Variants in CDH7 observed in about 807,000 individuals in gnomAD.
The protein encoded by CDH7 is cadherin 7.
CDH7 carries 25 observed loss-of-function variants against 71.8 expected under a neutral mutation model. The observed-to-expected ratio is 0.35, with a 90% CI of 0.25 to 0.49. The LOEUF (loss-of-function observed/expected upper bound fraction) is 0.49, where lower values mean the gene tolerates loss of function less well. Among genes scored for constraint, CDH7 ranks in the 20% least tolerant of loss-of-function variants. The probability of loss-of-function intolerance (pLI) is 0.99; values close to 1 mark genes in which losing one functional copy is unlikely to be tolerated. For missense variants in CDH7, 862 were observed against 974.6 expected, an observed-to-expected ratio of 0.88 and a Z score of 1.54; for synonymous variants, 381 against 363.8, an observed-to-expected ratio of 1.05 and a Z score of -0.54.
At chr18:65,791,485 A>G (rs894527214) in intron 2 of CDH7, among the ~76,000 whole-genome samples, 5 of 152,178 alleles carry the variant, frequency 3.3e-5, no homozygotes, top group South Asian at 2.1e-4. Flanking sequence ...GTTCATTTGT[A>G]CATATGGGAA....
intron 1 of CDH7, among the ~76,000 whole-genome samples, chr18:65,760,243 C>G (rs1364807164): frequency 6.6e-6 from 1 of 152,112 alleles, no homozygotes; most frequent in African/African-American, 2.4e-5. Flanking sequence ...CCATTATTAT[C>G]ATCTTTGTTT....
intron 11 of CDH7, among the ~76,000 whole-genome samples, chr18:65,876,622 T>C (rs1674950314): frequency 6.6e-6 from 1 of 152,170 alleles, no homozygotes; most frequent in South Asian, 2.1e-4. Context: ...AGTTAAGTCT[T>C]TCTCATCTGT....
At chr18:65,770,619 G>T (rs559064788) in intron 2 of CDH7, among the ~76,000 whole-genome samples, 1 of 152,168 alleles carries the variant, frequency 6.6e-6, no homozygotes, top group Non-Finnish European at 1.5e-5. Flanking sequence ...TCTTTGGAAA[G>T]CCTTGTGAAT....
intron 2 of CDH7, among the ~76,000 whole-genome samples, chr18:65,776,619 T>A (rs1426810962): frequency 6.6e-6 from 1 of 152,148 alleles, no homozygotes; most frequent in Admixed American, 6.6e-5. Context: ...TCTCTCACTC[T>A]CTCTCCTTCT....
rs1284225466 is a variant in CDH7, at chr18:65,883,397, A to T, written c.*2503A>T. ...CTTCTGAAATCTAATGCTATATATG[A>T]TGACTGTCAATACTTGAGATATAGG... is the stretch of plus-strand genomic sequence containing the variant. On this transcript the variant is annotated 3_prime_UTR_variant, in exon 12 of 12. Coordinates refer to ENST00000397968, the MANE Select transcript of CDH7 (RefSeq NM_004361.5). The T allele has an allele frequency of 6.6e-6, 1 of 151,944 alleles. No individual in the cohort carries two copies. The highest frequency in any genetic ancestry group is 2.4e-5 in the African/African-American group (1 of 41,408). 9.4% of individuals were successfully genotyped at this position (151,944 alleles called of 1,614,324 possible).
At chr18:65,849,640 T>G (rs1913075857) in intron 7 of CDH7, among the ~76,000 whole-genome samples, 1 of 151,402 alleles carries the variant, frequency 6.6e-6, no homozygotes, top group East Asian at 2.0e-4. Context: ...CTCGAACTCC[T>G]GACCTCAGGT....
In CDH7 at chr18:65,883,441, G is replaced by A. The variant is rs973308985; in HGVS notation, c.*2547G>A. Reference sequence around the variant, plus strand: ...ATATAGGCTTTGTTTTAAAAACAGTGATTGAAGAGCTGATTGATAAAATTA... The same window carrying A: ...ATATAGGCTTTGTTTTAAAAACAGTAATTGAAGAGCTGATTGATAAAATTA... On this transcript the variant is annotated 3_prime_UTR_variant, in exon 12 of 12. Transcript: ENST00000397968. The A allele has an allele frequency of 3.3e-5, 5 of 151,882 alleles. No homozygotes were observed. Among genetic ancestry groups the A allele is most frequent in the Non-Finnish European group, 7.4e-5 (5 of 67,868 alleles). The allele number at this position is 151,882 out of a possible 1,614,324, so 9.4% of individuals were successfully genotyped here.
intron 4 of CDH7, among the ~76,000 whole-genome samples, chr18:65,821,666 A>T (rs1911935011): frequency 1.3e-5 from 2 of 152,190 alleles, no homozygotes; most frequent in Admixed American, 6.5e-5. Context: ...TAGGAATATT[A>T]TTTAACTTGA....
At chr18:65,774,056 A>C (rs1916624092) in intron 2 of CDH7, among the ~76,000 whole-genome samples, 1 of 152,156 alleles carries the variant, frequency 6.6e-6, no homozygotes, top group African/African-American at 2.4e-5. Flanking sequence ...CTAAAATATG[A>C]AGGTCAGCAT....
At chr18:65,857,316 C>CTAT (rs1170889498) in intron 7 of CDH7, among the ~76,000 whole-genome samples, 2 of 87,778 alleles carry the variant, frequency 2.3e-5, no homozygotes, top group Non-Finnish European at 4.6e-5. Flanking sequence ...GACCCTGCAT[C>CTAT]TATAATAATA....
intron 2 of CDH7, among the ~76,000 whole-genome samples, chr18:65,790,920 A>G (rs1910691132): frequency 6.6e-6 from 1 of 152,338 alleles, no homozygotes; most frequent in South Asian, 2.1e-4. Flanking sequence ...TTAGTTTAAA[A>G]TGGACCCACT....
intron 1 of CDH7, among the ~76,000 whole-genome samples, chr18:65,754,060 A>T (rs1343952059): frequency 6.6e-6 from 1 of 152,038 alleles, no homozygotes; most frequent in East Asian, 1.9e-4. Context: ...ATTATAAAAA[A>T]CTCTCTGAAT....
At chr18:65,832,210 T>C (rs1912374631) in intron 6 of CDH7, among the ~76,000 whole-genome samples, 1 of 28,214 alleles carries the variant, frequency 3.5e-5, no homozygotes, top group African/African-American at 3.8e-5. Context: ...TCATAAATAA[T>C]GTACTATTAT....
At chr18:65,763,648 A>T (rs1916271590) in intron 2 of CDH7, among the ~76,000 whole-genome samples, 1 of 151,048 alleles carries the variant, frequency 6.6e-6, no homozygotes, top group Non-Finnish European at 1.5e-5. Context: ...TGCTTTAAAC[A>T]TTTTCCTTTG....
chr18:65,763,018 A>G lies in CDH7; in HGVS notation c.176A>G (p.Glu59Gly). ...WVWNQFFVLE[E>G]YMGSDPLYVG... ...TGGAATCAGTTCTTTGTGCTGGAGGAATACATGGGTTCAGACCCCCTCTAT... is the reference window on the plus strand; with the variant it reads ...TGGAATCAGTTCTTTGTGCTGGAGGGATACATGGGTTCAGACCCCCTCTAT... The change falls in exon 2 of 12, where the codon GAA becomes GGA. Residue 59 changes from glutamate to glycine, a missense_variant. By Grantham distance (98) the Glu-to-Gly change is moderately conservative. Coordinates refer to ENST00000397968, the MANE Select transcript of CDH7 (RefSeq NM_004361.5). The G allele has an allele frequency of 1.2e-6, 2 of 1,613,374 alleles. No individual in the cohort carries two copies. The highest frequency in any genetic ancestry group is 1.1e-5 in the South Asian group (1 of 91,038).
At chr18:65,828,968 T>C (rs2143953455) in intron 6 of CDH7, among the ~76,000 whole-genome samples, 1 of 152,276 alleles carries the variant, frequency 6.6e-6, no homozygotes, top group Admixed American at 6.5e-5. Flanking sequence ...GCTTTCAGTT[T>C]TCTAATGTGC....
At chr18:65,852,785 T>C (rs1029234834) in intron 7 of CDH7, among the ~76,000 whole-genome samples, 1 of 152,142 alleles carries the variant, frequency 6.6e-6, no homozygotes, top group Non-Finnish European at 1.5e-5. Context: ...AATATAATTA[T>C]TAGGCATGCA....
chr18:65,807,159 G>A (rs1192202040), intron 2 of CDH7, among the ~76,000 whole-genome samples: 1 of 152,052 alleles, frequency 6.6e-6, no homozygotes, highest in Admixed American at 6.6e-5. Flanking sequence ...GAAAGAATTT[G>A]ATTGTTGAAT....
Position 65,786,674 on chromosome 18 carries a change from C to T in CDH7, c.211-23030C>T, listed in dbSNP as rs539383508. On this transcript the variant is annotated intron_variant, in intron 2 of 11. Transcript: ENST00000397968. ...ATAATTTCCTTGGCTGCTTCTTTTT[C>T]TCTCTCTCTCTTTCTCTTTTTTTCT... Among the ~76,000 whole-genome samples the T allele has an allele frequency of 5.9e-5, 9 of 151,916 alleles. No homozygotes were observed. In the East Asian group the frequency reaches 1.7e-3, roughly 29 times the overall value.
Sources: allele counts gnomAD v4.1 joint callset (sites outside exome capture counted in the v4.1 genomes callset), GRCh38; gene constraint gnomAD v4.1.1; transcripts MANE v1.5; gene names NCBI Gene and HGNC (gene_info 2026-07-23, HGNC 2026-07-21).